The following FLT1 variants were observed in gnomAD, a reference collection of about 807,000 sequenced individuals.
The protein encoded by FLT1 is fms related receptor tyrosine kinase 1, also known as vascular endothelial growth factor receptor 1.
FLT1 carries 49 observed loss-of-function variants against 156.3 expected under a neutral mutation model. That is an observed-to-expected ratio of 0.31 (90% CI 0.25 to 0.40). FLT1 has a LOEUF of 0.40. FLT1 is among the 10% of genes least tolerant of loss of function. FLT1 has a pLI of 1.00. For missense variants in FLT1, 1,322 were observed against 1,637.2 expected (o/e 0.81, Z 3.32); for synonymous variants, 594 against 583.8 (o/e 1.02, Z -0.25).
At position 28,340,786 on chromosome 13, in the gene FLT1, T is replaced by C. The variant is rs182512690; in HGVS notation, c.2356-1486A>G. Among the ~76,000 whole-genome samples the C allele has an allele frequency of 2.9e-3, 446 of 152,264 alleles. 5 individuals are homozygous for C. Among genetic ancestry groups the C allele is most frequent in the Non-Finnish European group, 4.5e-3 (303 of 68,028 alleles). On this transcript the variant is annotated intron_variant, in intron 16 of 29. Transcript: ENST00000282397. ...TCACAAAAATTATCACTAAAATGTG[T>C]GACAAATAGCTCAAGGCAGAAAGGT...
At chr13:28,487,898 A>G (rs929105590) in intron 1 of FLT1, among the ~76,000 whole-genome samples, 1 of 151,924 alleles carries the variant, frequency 6.6e-6, no homozygotes, top group Non-Finnish European at 1.5e-5. Flanking sequence ...TAACCATGGT[A>G]TTCTTCAAGA....
intron 11 of FLT1, among the ~76,000 whole-genome samples, chr13:28,401,722 A>G (rs183886799): frequency 3.3e-4 from 51 of 152,306 alleles, no homozygotes; most frequent in Non-Finnish European, 6.5e-4. Flanking sequence ...GGAAAACAGA[A>G]CGTGAGATTT....
At chr13:28,404,381 T>C (rs1433553569) in intron 11 of FLT1, among the ~76,000 whole-genome samples, 1 of 152,248 alleles carries the variant, frequency 6.6e-6, no homozygotes, top group Non-Finnish European at 1.5e-5. Context: ...TTTATACTTT[T>C]AAGCTGTCTT....
intron 10 of FLT1, among the ~76,000 whole-genome samples, chr13:28,414,653 T>C (rs1876538523): frequency 6.6e-6 from 1 of 152,166 alleles, no homozygotes; most frequent in South Asian, 2.1e-4. Context: ...ACAGGGACTA[T>C]ATTTTGTTCA....
chr13:28,341,705 G>GCCTCCCCCA, intron 16 of FLT1, among the ~76,000 whole-genome samples: 1 of 152,066 alleles, frequency 6.6e-6, no homozygotes, highest in Admixed American at 6.6e-5. Flanking sequence ...AATATTTTGG[G>GCCTCCCCCA]ATGTCTTGTT....
intron 3 of FLT1, among the ~76,000 whole-genome samples, chr13:28,454,869 A>G (rs1302975784): frequency 6.6e-6 from 1 of 152,214 alleles, no homozygotes; most frequent in Non-Finnish European, 1.5e-5. Flanking sequence ...AAACTAGTAG[A>G]GTTGAAATGA....
intron 15 of FLT1, among the ~76,000 whole-genome samples, chr13:28,354,931 AAATTATCAGT>A (rs1423767290): frequency 6.6e-6 from 1 of 152,238 alleles, no homozygotes; most frequent in Non-Finnish European, 1.5e-5. Context: ...AAAGGTTTAG[AAATTATCAGT>A]AATGCAGTAT....
chr13:28,467,088 C>G lies in FLT1; in HGVS notation c.203G>C (p.Ser68Thr), dbSNP rs751938150. 6.2e-7 allele frequency: 1 copy of G among 1,614,126 alleles called. No individual in the cohort carries two copies. The highest frequency in any genetic ancestry group is 8.5e-7 in the Non-Finnish European group (1 of 1,180,030). ...AHKWSLPEMV[S>T]KESERLSITK... ...TATGCTCAGCCTTTCGCTTTCCTTA[C>G]TCACCATTTCAGGCAAAGACCATTT... The change falls in exon 3 of 30, where the codon AGT becomes ACT. Residue 68 changes from serine to threonine, a missense_variant. Around this residue, in one of 3 missense-constraint regions of FLT1, gnomAD observed 991 missense variants for 1,254.8 expected, o/e 0.79. Transcript: ENST00000282397.
At chr13:28,492,420 A>G (rs1881520653) in intron 1 of FLT1, among the ~76,000 whole-genome samples, 1 of 152,232 alleles carries the variant, frequency 6.6e-6, no homozygotes, top group African/African-American at 2.4e-5. Context: ...AAAGAGCAAT[A>G]GAGAGGACTT....
chr13:28,383,653 C>T (rs559396392), intron 14 of FLT1, among the ~76,000 whole-genome samples: 24 of 150,366 alleles, frequency 1.6e-4, no homozygotes, highest in Non-Finnish European at 2.7e-4. Flanking sequence ...CAGAGCGAGA[C>T]TCTGTCTCAA....
chr13:28,379,694 C>G (rs190226866), intron 14 of FLT1, among the ~76,000 whole-genome samples: 1 of 152,192 alleles, frequency 6.6e-6, no homozygotes, highest in African/African-American at 2.4e-5. Context: ...CGTTCACATG[C>G]GTTCCAGGGC....
At position 28,491,152 on chromosome 13, in the gene FLT1, T is replaced by C. The variant is rs373490361; in HGVS notation, c.64+3628A>G. Among the ~76,000 whole-genome samples the C allele has an allele frequency of 7.1e-3, 819 of 114,576 alleles. 9 individuals carry two copies. The highest frequency in any genetic ancestry group is 0.02 in the African/African-American group (786 of 38,822). 75.2% of individuals were successfully genotyped at this position (114,576 alleles called of 152,430 possible). On this transcript the variant is annotated intron_variant, in intron 1 of 29. Transcript: ENST00000282397. ...GGACATTACATTATTTTGGTCAATA[T>C]GAAACCATTTTTTGGTAACACATCA...
At chr13:28,313,892 A>T (rs1231685050) in intron 25 of FLT1, among the ~76,000 whole-genome samples, 9 of 69,998 alleles carry the variant, frequency 1.3e-4, no homozygotes, top group Non-Finnish European at 2.4e-4. Context: ...GGGAGGTAAA[A>T]AAAAAAAAAA....
chr13:28,308,150 G>T (rs1023046204), intron 28 of FLT1, among the ~76,000 whole-genome samples: 9 of 152,210 alleles, frequency 5.9e-5, no homozygotes, highest in African/African-American at 2.2e-4. Flanking sequence ...CTCAGTGGGT[G>T]TGGGCAGGTC....
At position 28,416,371 on chromosome 13, in the gene FLT1, G is replaced by A. The variant is rs150831621; in HGVS notation, c.1437-10477C>T. Among the ~76,000 whole-genome samples, 903 of 152,230 alleles carry A rather than the reference G, an allele frequency of 5.9e-3. 10 individuals are homozygous for A. The highest frequency in any genetic ancestry group is 0.02 in the African/African-American group (834 of 41,526). The stretch of plus-strand genomic sequence containing the variant: ...CTGGTTTTCAGGATCGTGAGCTTTT[G>A]ACTAAAAATGACTCATTTTAATGTC... On this transcript the variant is annotated intron_variant, in intron 10 of 29. Transcript: ENST00000282397.
chr13:28,349,173 C>G (rs1304116459), intron 15 of FLT1, among the ~76,000 whole-genome samples: 2 of 152,130 alleles, frequency 1.3e-5, no homozygotes, highest in African/African-American at 4.8e-5. Context: ...AGAATAGTGC[C>G]TGGCATATAG....
chr13:28,333,779 T>G (rs2138845236), intron 18 of FLT1, among the ~76,000 whole-genome samples: 1 of 152,188 alleles, frequency 6.6e-6, no homozygotes, highest in East Asian at 1.9e-4. Context: ...GAGAAAGACC[T>G]TTGAGGTGAC....
chr13:28,471,091 G>A (rs1232437455), intron 1 of FLT1, among the ~76,000 whole-genome samples: 1 of 151,988 alleles, frequency 6.6e-6, no homozygotes, highest in African/African-American at 2.4e-5. Flanking sequence ...ACATAACTGA[G>A]TGGTTAAAAG....
chr13:28,424,038 C>T (rs1005597159), intron 10 of FLT1, among the ~76,000 whole-genome samples: 10 of 151,948 alleles, frequency 6.6e-5, no homozygotes, highest in Non-Finnish European at 4.4e-5. Context: ...GCAACCTCCA[C>T]CTCCCAGGTT....
Sources: gnomAD v4.1 joint callset for allele counts (sites outside exome capture counted in the v4.1 genomes callset) on GRCh38, gnomAD v4.1.1 for gene constraint, gnomAD v4.1.1 regional missense constraint, MANE v1.5 for transcripts, NCBI Gene and HGNC (gene_info 2026-07-23, HGNC 2026-07-21) for gene names.